MAP1B: variants seen among roughly 807,000 people sequenced by gnomAD.
The protein encoded by MAP1B is microtubule-associated protein 1B.
In MAP1B, 12 loss-of-function variants were observed where a neutral mutation model predicts 176.1. That is an observed-to-expected ratio of 0.07 (90% CI 0.04 to 0.11). The LOEUF (loss-of-function observed/expected upper bound fraction) is 0.11. Among genes scored for constraint, MAP1B ranks in the 10% least tolerant of loss-of-function variants. MAP1B has a pLI of 1.00. For synonymous variants in MAP1B, 1,044 were observed against 1,135.0 expected, an observed-to-expected ratio of 0.92 and a Z score of 1.61; for missense variants, 2,523 against 2,990.5, an observed-to-expected ratio of 0.84 and a Z score of 3.65.
intron 1 of MAP1B, among the ~76,000 whole-genome samples, chr5:72,111,639 G>T (rs1046713610): frequency 2.6e-5 from 4 of 152,212 alleles, no homozygotes; most frequent in Middle Eastern, 3.4e-3. Flanking sequence ...TTTCAAAGTC[G>T]AAGACAGATG....
In MAP1B at chr5:72,198,691, C is replaced by T. The variant is rs772877908; in HGVS notation, c.5336C>T (p.Ser1779Phe). 1.9e-6 allele frequency: 3 copies of T among 1,614,186 alleles called. No individual in the cohort carries two copies. The highest frequency in any genetic ancestry group is 1.1e-5 in the South Asian group (1 of 91,080). Reference protein sequence around the residue: ...KVQSLEGEKLSPKSDISPLTP... With the variant: ...KVQSLEGEKLFPKSDISPLTP... ...CAAAGTCTGGAAGGAGAGAAGCTCT[C>T]TCCAAAATCTGATATCTCTCCACTC... Residue 1779 changes from serine to phenylalanine, a missense_variant, in exon 5 of 7, where the codon TCT (serine) becomes TTT (phenylalanine). Coordinates refer to ENST00000296755, the MANE Select transcript of MAP1B (RefSeq NM_005909.5).
At chr5:72,131,676 G>A (rs938990793) in intron 2 of MAP1B, among the ~76,000 whole-genome samples, 1 of 152,174 alleles carries the variant, frequency 6.6e-6, no homozygotes, top group Non-Finnish European at 1.5e-5. Context: ...ACATTTCTGA[G>A]ATCAGAATGG....
chr5:72,201,091 A>AT (rs1225360837), intron 5 of MAP1B, among the ~76,000 whole-genome samples: 2 of 152,124 alleles, frequency 1.3e-5, no homozygotes, highest in Non-Finnish European at 2.9e-5. Flanking sequence ...AGCTAGATGC[A>AT]TGGCCTCATG....
chr5:72,200,496 G>C, intron 5 of MAP1B, 129 bp downstream of exon 5: 3 of 1,186,474 alleles, frequency 2.5e-6, no homozygotes, highest in Middle Eastern at 2.9e-4. Flanking sequence ...TACCTTCCCT[G>C]TACTCTTCTC....
chr5:72,155,286 G>T (rs964350748), intron 2 of MAP1B, among the ~76,000 whole-genome samples: 1 of 152,204 alleles, frequency 6.6e-6, no homozygotes, highest in African/African-American at 2.4e-5. Context: ...TATAGGTCAA[G>T]GAGCTGGGAT....
chr5:72,199,021 ATGAGTC>A lies in MAP1B; in HGVS notation c.5668_5673del (p.Glu1890_Ser1891del). 3.1e-6 allele frequency: 5 copies of A among 1,614,176 alleles called. No homozygotes were observed. Among genetic ancestry groups the A allele is most frequent in the Non-Finnish European group, 4.2e-6 (5 of 1,180,020 alleles). On this transcript the variant is annotated inframe_deletion, in exon 5 of 7. Transcript: ENST00000296755. This position sits in a 1 kb window ranked among gnomAD's most constrained non-coding sequence, Gnocchi z 4.2. The stretch of plus-strand genomic sequence containing the variant: ...TCCCCAGATGAAGAAGATTATGACT[ATGAGTC>A]TTATGAGAAGACCACCCGGACCTCA...
intron 2 of MAP1B, among the ~76,000 whole-genome samples, chr5:72,156,673 C>G (rs974733035): frequency 6.6e-6 from 1 of 152,182 alleles, no homozygotes; most frequent in Non-Finnish European, 1.5e-5. Context: ...TAAGAATTGT[C>G]GTTGTTCCCA....
intron 2 of MAP1B, among the ~76,000 whole-genome samples, chr5:72,164,536 T>C (rs886372648): frequency 1.3e-5 from 2 of 152,136 alleles, no homozygotes. Context: ...GTTTCCCTGG[T>C]AATGTTGCCA....
At chr5:72,168,041 C>T (rs1308529334) in intron 2 of MAP1B, among the ~76,000 whole-genome samples, 2 of 152,248 alleles carry the variant, frequency 1.3e-5, no homozygotes, top group Non-Finnish European at 2.9e-5. Context: ...TTGGCTCTTG[C>T]CCCTGTCCAG....
At chr5:72,150,319 T>G (rs765150203) in intron 2 of MAP1B, among the ~76,000 whole-genome samples, 3 of 152,258 alleles carry the variant, frequency 2.0e-5, no homozygotes, top group Non-Finnish European at 2.9e-5. Context: ...ATGTTTTAAA[T>G]TTTTCTCTGG....
chr5:72,204,597 C>T lies in MAP1B; in HGVS notation c.7252-487C>T, dbSNP rs1445752115. 6.6e-6 allele frequency among the ~76,000 whole-genome samples: 1 copy of T among 152,196 alleles called. No homozygotes were observed. Among genetic ancestry groups the T allele is most frequent in the East Asian group, 1.9e-4 (1 of 5,202 alleles). On this transcript the variant is annotated intron_variant, in intron 6 of 6. Transcript: ENST00000296755. This position sits in a 1 kb window ranked among gnomAD's most constrained non-coding sequence, Gnocchi z 4.4. Reference sequence around the variant, plus strand: ...GGAATTTATACTATTCAGGACATTACTTACCCACCCCATACCTCCATCCCC... The same window carrying T: ...GGAATTTATACTATTCAGGACATTATTTACCCACCCCATACCTCCATCCCC...
chr5:72,140,793 T>C (rs1745933660), intron 2 of MAP1B, among the ~76,000 whole-genome samples: 1 of 152,220 alleles, frequency 6.6e-6, no homozygotes, highest in Non-Finnish European at 1.5e-5. Context: ...TTAGGCAACA[T>C]GAAAAAATAA....
chr5:72,200,477 T>C lies in MAP1B; in HGVS notation c.7012+110T>C, dbSNP rs189949320. ...GTACTGGGAAGATGAGGGAGCACAA[T>C]TGATGCTTTACCTTCCCTGTACTCT... On this transcript the variant is annotated intron_variant, in intron 5 of 6. Coordinates refer to ENST00000296755, the MANE Select transcript of MAP1B (RefSeq NM_005909.5). 353 of 1,344,314 alleles carry C rather than the reference T, an allele frequency of 2.6e-4. 1 individual carries two copies. Among genetic ancestry groups the C allele is most frequent in the South Asian group, 4.7e-4 (34 of 71,610 alleles). 83.3% of individuals were successfully genotyped at this position (1,344,314 alleles called of 1,614,324 possible).
At chr5:72,147,221 G>A (rs1201807950) in intron 2 of MAP1B, among the ~76,000 whole-genome samples, 2 of 151,886 alleles carry the variant, frequency 1.3e-5, no homozygotes, top group Admixed American at 6.6e-5. Flanking sequence ...CACTCACCTC[G>A]GCCTCCCAAA....
chr5:72,189,694 TAAA>T (rs759670082), intron 4 of MAP1B, among the ~76,000 whole-genome samples: 1 of 140,144 alleles, frequency 7.1e-6, no homozygotes, highest in Non-Finnish European at 1.6e-5. Flanking sequence ...TTCTGTCTCT[TAAA>T]AAAAAAAAAA....
intron 2 of MAP1B, among the ~76,000 whole-genome samples, chr5:72,132,340 T>C (rs189300921): frequency 4.6e-5 from 7 of 152,324 alleles, no homozygotes; most frequent in Admixed American, 1.3e-4. Flanking sequence ...CTGGAGACTT[T>C]TTTCCGCTAG....
chr5:72,189,884 A>G (rs1746989417), intron 4 of MAP1B, among the ~76,000 whole-genome samples: 1 of 152,294 alleles, frequency 6.6e-6, no homozygotes, highest in African/African-American at 2.4e-5. Flanking sequence ...TTTGAAATCC[A>G]TTAGCATATT....
intron 2 of MAP1B, among the ~76,000 whole-genome samples, chr5:72,156,706 A>G (rs1195227852): frequency 6.6e-6 from 1 of 152,222 alleles, no homozygotes; most frequent in Non-Finnish European, 1.5e-5. Context: ...GGACTTGGTA[A>G]GATTTAGGGA....
chr5:72,201,153 A>G (rs1561319179), intron 5 of MAP1B, among the ~76,000 whole-genome samples: 1 of 151,782 alleles, frequency 6.6e-6, no homozygotes, highest in Non-Finnish European at 1.5e-5. Context: ...GCTTCAGCCC[A>G]GGAAGTTGAG....
Sources: allele counts gnomAD v4.1 joint callset (sites outside exome capture counted in the v4.1 genomes callset), GRCh38; gene constraint gnomAD v4.1.1; non-coding constraint Gnocchi (gnomAD v3.1); transcripts MANE v1.5; gene names NCBI Gene and HGNC (gene_info 2026-07-23, HGNC 2026-07-21).